Variants in ATOSA observed in about 807,000 individuals in gnomAD.
The protein encoded by ATOSA is atos homolog A.
the ATOSA span, among the ~76,000 whole-genome samples, chr15:52,592,250 T>A: frequency 1.3e-5 from 2 of 152,074 alleles, no homozygotes; most frequent in African/African-American, 4.8e-5. Context: ...GATAGTAAGT[T>A]AGGAAATTCA....
chr15:52,651,079 C>T, the ATOSA span, among the ~76,000 whole-genome samples: 2 of 152,136 alleles, frequency 1.3e-5, no homozygotes, highest in Admixed American at 6.5e-5. Flanking sequence ...TATATTAGTA[C>T]AGTTTAATAA....
the ATOSA span, among the ~76,000 whole-genome samples, chr15:52,599,869 T>G: frequency 6.6e-6 from 1 of 152,214 alleles, no homozygotes; most frequent in South Asian, 2.1e-4. Context: ...GCTCCCGGCT[T>G]AAGTAACAGA....
chr15:52,607,333 T>C, the ATOSA span, among the ~76,000 whole-genome samples: 1 of 152,346 alleles, frequency 6.6e-6, no homozygotes, highest in East Asian at 1.9e-4. Context: ...ATTAAGCTAA[T>C]ACAAATTTGA....
At chr15:52,683,914 G>A in the ATOSA span, among the ~76,000 whole-genome samples, 1 of 152,136 alleles carries the variant, frequency 6.6e-6, no homozygotes, top group Non-Finnish European at 1.5e-5. Context: ...AAAGCCCAAA[G>A]TTTCACCTCA....
chr15:52,593,712 C>T, the ATOSA span: 13 of 1,554,752 alleles, frequency 8.4e-6, no homozygotes, highest in East Asian at 2.4e-5. Context: ...CCGAGAGGAT[C>T]GAAACGATAG....
At chr15:52,609,237 T>G in the ATOSA span, 3 of 1,612,860 alleles carry the variant, frequency 1.9e-6, no homozygotes, top group Non-Finnish European at 2.5e-6. Context: ...TATTAGGTAC[T>G]AAGTTTTTCC....
the ATOSA span, among the ~76,000 whole-genome samples, chr15:52,645,354 G>C: frequency 2.0e-5 from 3 of 152,208 alleles, no homozygotes; most frequent in Non-Finnish European, 4.4e-5. Flanking sequence ...CGGTAGGATT[G>C]CTTGAACCTG....
chr15:52,708,433 A>G, the ATOSA span, among the ~76,000 whole-genome samples: 1 of 152,122 alleles, frequency 6.6e-6, no homozygotes, highest in Admixed American at 6.6e-5. Context: ...TGCTTGTGTG[A>G]TTTATGAAGA....
chr15:52,676,340 T>C, the ATOSA span, among the ~76,000 whole-genome samples: 7 of 152,212 alleles, frequency 4.6e-5, no homozygotes, highest in East Asian at 1.3e-3. Flanking sequence ...GACCCATTAA[T>C]TGGTGAAGAA....
At chr15:52,620,212 G>T in the ATOSA span, among the ~76,000 whole-genome samples, 2 of 152,218 alleles carry the variant, frequency 1.3e-5, no homozygotes, top group East Asian at 1.9e-4. Flanking sequence ...ATTCTTCATT[G>T]CTAGAGGTGT....
At chr15:52,709,180 G>A in the ATOSA span, among the ~76,000 whole-genome samples, 3 of 152,218 alleles carry the variant, frequency 2.0e-5, no homozygotes, top group East Asian at 5.8e-4. Context: ...TTAGAAGATG[G>A]GTACATTCCT....
the ATOSA span, among the ~76,000 whole-genome samples, chr15:52,697,004 T>C: frequency 7.0e-3 from 1,059 of 152,242 alleles, 14 homozygotes; most frequent in African/African-American, 0.024. Context: ...ACTTCCATAA[T>C]TTGAAAATCC....
chr15:52,600,517 T>C, the ATOSA span, among the ~76,000 whole-genome samples: 3 of 152,152 alleles, frequency 2.0e-5, no homozygotes, highest in Non-Finnish European at 4.4e-5. Context: ...ATTAATGTTA[T>C]CAAATTTTAA....
chr15:52,600,309 C>G, the ATOSA span: 2 of 870,190 alleles, frequency 2.3e-6, no homozygotes, highest in Non-Finnish European at 1.8e-6. Context: ...GACAGGGTCT[C>G]ACTCTGTCAC....
the ATOSA span, among the ~76,000 whole-genome samples, chr15:52,641,679 GATCA>G: frequency 6.6e-6 from 1 of 152,200 alleles, no homozygotes; most frequent in Admixed American, 6.5e-5. Flanking sequence ...AATATAGGAA[GATCA>G]ATTATTTGAG....
chr15:52,664,932 ATC>A, the ATOSA span, among the ~76,000 whole-genome samples: 1 of 125,472 alleles, frequency 8.0e-6, no homozygotes, highest in African/African-American at 2.6e-5. Flanking sequence ...AGGAAACCCT[ATC>A]TCTGGGTGTT....
At chr15:52,691,535 C>G in the ATOSA span, among the ~76,000 whole-genome samples, 2 of 152,016 alleles carry the variant, frequency 1.3e-5, no homozygotes, top group Non-Finnish European at 2.9e-5. Context: ...TAAACAGAAC[C>G]AAGAATAGGT....
chr15:52,671,099 C>A, the ATOSA span, among the ~76,000 whole-genome samples: 3 of 152,234 alleles, frequency 2.0e-5, no homozygotes, highest in Non-Finnish European at 2.9e-5. Flanking sequence ...GAGCTTCTAG[C>A]AAATGTCTGT....
chr15:52,616,636 G>A, the ATOSA span, among the ~76,000 whole-genome samples: 1 of 152,092 alleles, frequency 6.6e-6, no homozygotes, highest in Non-Finnish European at 1.5e-5. Context: ...ATTCAAAGTG[G>A]GGACCTGACC....
Sources: allele counts gnomAD v4.1 joint callset (sites outside exome capture counted in the v4.1 genomes callset), GRCh38; gene constraint gnomAD v4.1.1; transcripts MANE v1.5; gene names NCBI Gene and HGNC (gene_info 2026-07-23, HGNC 2026-07-21).